The following NAPRT variants were observed in gnomAD, a reference collection of about 807,000 sequenced individuals.
NAPRT encodes the protein FHA-HIT-interacting protein.
Under a neutral mutation model 60.7 loss-of-function variants are expected in NAPRT, and 66 were observed. The observed-to-expected ratio is 1.09, with a 90% confidence interval of 0.89 to 1.33. The LOEUF is 1.33. Among genes scored for constraint, NAPRT ranks in the 40% most tolerant of loss-of-function variants. The pLI is 0.00. For missense variants in NAPRT, 818 were observed against 731.5 expected, an observed-to-expected ratio of 1.12 and a Z score of -1.36; for synonymous variants, 405 against 335.7, an observed-to-expected ratio of 1.21 and a Z score of -2.26.
rs371481966 is a variant in NAPRT at position 143,575,424 on chromosome 8, G to C, written c.1290C>G (p.Asp430Glu). The C allele has an allele frequency of 6.3e-7, 1 of 1,592,014 alleles. No homozygotes were observed. Among genetic ancestry groups the C allele is most frequent in the Admixed American group, 1.7e-5 (1 of 59,598 alleles). ...SKAAFRLLGS[D>E]GSPLMDMLQL... is the part of the protein sequence containing the mutation. ...GCAGGGGGGATGGGAGGGCCTCACC[G>C]TCAGAGCCCAGGAGCCGGAAAGCAG... The change falls in exon 10 of 13, where the codon GAC becomes GAG. Residue 430 changes from aspartate to glutamate, a missense_variant and splice_region_variant. Coordinates refer to ENST00000449291, the MANE Select transcript of NAPRT (RefSeq NM_145201.6).
chr8:143,574,271 T>TGACGCCA (rs1285685499), downstream of NAPRT, among the ~76,000 whole-genome samples: 3 of 152,332 alleles, frequency 2.0e-5, no homozygotes, highest in Non-Finnish European at 4.4e-5. Context: ...GCTGTGTCCC[T>TGACGCCA]GACGCCAGAT....
chr8:143,574,706 C>A, downstream of NAPRT: 1 of 1,098,982 alleles, frequency 9.1e-7, no homozygotes, highest in South Asian at 1.4e-5. Context: ...CTCAGATTCC[C>A]GACTCCAGCC....
chr8:143,573,227 CT>C (rs762468980), downstream of NAPRT, among the ~76,000 whole-genome samples: 14 of 152,204 alleles, frequency 9.2e-5, no homozygotes, highest in Admixed American at 2.0e-4. Context: ...TGCACGCTGG[CT>C]CTGTCAGACA....
chr8:143,577,447 C>A (rs368381577), intron 3 of NAPRT, 48 bp from the exon 4 acceptor site: 238 of 1,564,944 alleles, frequency 1.5e-4, no homozygotes, highest in Non-Finnish European at 1.0e-4. Context: ...GATCACTAGG[C>A]CACCCAAGAC....
chr8:143,578,268 GAGCAGCGGCCGCGCCGC>G lies in NAPRT; in HGVS notation c.34_50del (p.Ala12HisfsTer2). The G allele has an allele frequency of 7.0e-7, 1 of 1,428,386 alleles. No individual in the cohort carries two copies. Among genetic ancestry groups the G allele is most frequent in the African/African-American group, 1.5e-5 (1 of 66,108 alleles). 88.5% of individuals were successfully genotyped at this position (1,428,386 alleles called of 1,614,324 possible). A position where few individuals can be genotyped will look rare whatever the true frequency, so the allele number is the denominator to read the frequency against. ...CCATGGTGGCCTGGTAGAGGTCAGT[GAGCAGCGGCCGCGCCGC>G]CGCGCGCGCCTCGGGGTCCTGCTCC... On this transcript the variant is annotated frameshift_variant, in exon 1 of 13. Transcript: ENST00000449291. LOFTEE classifies it high-confidence loss of function.
At chr8:143,577,027 G>A (rs376607994) in intron 5 of NAPRT, 35 bp downstream of exon 5, 22 of 1,595,818 alleles carry the variant, frequency 1.4e-5, no homozygotes, top group East Asian at 2.2e-5. Flanking sequence ...GGGGCCTGTC[G>A]CCTGGAGACA....
chr8:143,575,816 G>GTGCCCTAGGTGGGGAAGGAGGTGGCAC, intron 8 of NAPRT, 114 bp from the exon 9 acceptor site: 2 of 470,326 alleles, frequency 4.3e-6, no homozygotes, highest in Non-Finnish European at 6.5e-6. Flanking sequence ...GGGGGTGGCA[G>GTGCCCTAGGTGGGGAAGGAGGTGGCAC]TGCCCTGGGT....
In NAPRT at chr8:143,575,478, G is replaced by C. The variant is rs768904692; in HGVS notation, c.1236C>G (p.Pro412=). 5.6e-6 allele frequency: 9 copies of C among 1,599,234 alleles called. No individual in the cohort carries two copies. Among genetic ancestry groups the C allele is most frequent in the Non-Finnish European group, 7.7e-6 (9 of 1,168,568 alleles). The part of the protein sequence containing the change: ...GQPRMKLTED[P]EKQTLPGSKA... ...TGCTCCCAGGCAACGTCTGCTTCTC[G>C]GGGTCCTCGGTCAGCTTCATTCGTG... Residue 412 remains proline (P), a synonymous_variant, in exon 10 of 13, where the codon CCC becomes CCG. Coordinates refer to ENST00000449291, the MANE Select transcript of NAPRT (RefSeq NM_145201.6).
chr8:143,574,851 C>T lies in NAPRT; in HGVS notation c.1604G>A (p.Gly535Glu). Residue 535 changes from glycine to glutamate, a missense_variant, in exon 13 of 13, where the codon GGG becomes GAG. Coordinates refer to ENST00000449291, the MANE Select transcript of NAPRT (RefSeq NM_145201.6). ...CCGCTCCGAGTCTCAGGGGGACTGC[C>T]CCGCACACAGACTGTTCACCAGGGC... ...LQALVNSLCA[G>E]QSP 6.4e-7 allele frequency: 1 copy of T among 1,550,646 alleles called. No homozygotes were observed. Among genetic ancestry groups the T allele is most frequent in the Non-Finnish European group, 8.7e-7 (1 of 1,147,000 alleles).
chr8:143,573,619 G>A (rs1469823143), downstream of NAPRT: 1 of 152,210 alleles, frequency 6.6e-6, no homozygotes, highest in Non-Finnish European at 1.5e-5. Context: ...CAGAACCACA[G>A]GCCAATTAAA....
chr8:143,576,218 C>G, intron 7 of NAPRT, 56 bp from the exon 8 acceptor site: 1 of 1,492,280 alleles, frequency 6.7e-7, no homozygotes, highest in Non-Finnish European at 9.0e-7. Flanking sequence ...CCTGATTCAC[C>G]CTGGTGTCCC....
At chr8:143,577,497 C>T in intron 3 of NAPRT, 98 bp from the exon 4 acceptor site, 1 of 1,465,968 alleles carries the variant, frequency 6.8e-7, no homozygotes, top group Non-Finnish European at 9.2e-7. Flanking sequence ...CCTGGGAGCT[C>T]CACCCTCACC....
chr8:143,574,976 TC>T lies in NAPRT; in HGVS notation c.1554+9del. 5.8e-6 allele frequency: 9 copies of T among 1,543,756 alleles called. No individual in the cohort carries two copies. The highest frequency in any genetic ancestry group is 7.9e-6 in the Non-Finnish European group (9 of 1,143,144). ...ACAGGGCAGAATGACAGGGTGGGCCTCCCCCCAACCTGGTACTGTGCAGGGC... is the reference window on the plus strand; with the variant it reads ...ACAGGGCAGAATGACAGGGTGGGCCTCCCCCAACCTGGTACTGTGCAGGGC... On this transcript the variant is annotated intron_variant, in intron 12 of 12. Coordinates refer to ENST00000449291, the MANE Select transcript of NAPRT (RefSeq NM_145201.6).
rs1343189789 is a variant in NAPRT at position 143,574,882 on chromosome 8, G to A, written c.1573C>T (p.Leu525=). ...CACAGACTGTTCACCAGGGCCTGCA[G>A]CCTCTCGGACAGCACCACCTGCAGG... ...AQYQVVLSER[L]QALVNSLCAG... is the part of the protein sequence containing the mutation. Residue 525 remains leucine, a synonymous_variant, in exon 13 of 13, where the codon CTG becomes TTG. Coordinates refer to ENST00000449291, the MANE Select transcript of NAPRT (RefSeq NM_145201.6). The A allele has an allele frequency of 6.4e-7, 1 of 1,550,666 alleles. No homozygotes were observed. The highest frequency in any genetic ancestry group is 2.0e-5 in the Admixed American group (1 of 51,006).
At position 143,578,308 on chromosome 8, in the gene NAPRT, T is replaced by G. The variant is rs971280620; in HGVS notation, c.11A>C (p.Glu4Ala). MAA[E>A]QDPEARAAAR... Reference sequence around the variant, plus strand: ...CGCCGCGCGCGCCTCGGGGTCCTGCTCCGCCGCCATCCTGCTCCCGACGTC... The same window carrying G: ...CGCCGCGCGCGCCTCGGGGTCCTGCGCCGCCGCCATCCTGCTCCCGACGTC... Residue 4 changes from glutamate (E) to alanine (A), a missense_variant, in exon 1 of 13, where the codon GAG becomes GCG. Physicochemically the swap from Glu to Ala is moderately radical, Grantham distance 107. Transcript: ENST00000449291. The G allele has an allele frequency of 6.6e-6, 9 of 1,371,562 alleles. No individual in the cohort carries two copies. The highest frequency in any genetic ancestry group is 3.9e-5 in the Admixed American group (1 of 25,428). 85.0% of individuals were successfully genotyped at this position (1,371,562 alleles called of 1,614,324 possible).
intron 7 of NAPRT, 86 bp from the exon 8 acceptor site, chr8:143,576,248 C>T (rs1238036076): frequency 7.8e-6 from 11 of 1,409,006 alleles, no homozygotes; most frequent in African/African-American, 1.4e-5. Flanking sequence ...CGCCCCGCCT[C>T]AGTCAAGGAC....
intron 8 of NAPRT, 49 bp from the exon 9 acceptor site, chr8:143,575,751 A>AG (rs1270347913): frequency 1.0e-6 from 1 of 995,876 alleles, no homozygotes; most frequent in Non-Finnish European, 1.4e-6. Context: ...TGGGTGGGGA[A>AG]GGGGGTGGCA....
At position 143,578,201 on chromosome 8, in the gene NAPRT, C is replaced by T. The variant is rs771334846; in HGVS notation, c.118G>A (p.Glu40Lys). 6.6e-7 allele frequency: 1 copy of T among 1,506,858 alleles called. No individual in the cohort carries two copies. The highest frequency in any genetic ancestry group is 8.8e-7 in the Non-Finnish European group (1 of 1,132,684). 93.3% of individuals were successfully genotyped at this position (1,506,858 alleles called of 1,614,324 possible). A position where few individuals can be genotyped will look rare whatever the true frequency, so the allele number is the denominator to read the frequency against. Residue 40 changes from glutamate (E) to lysine (K), a missense_variant, in exon 1 of 13, where the codon GAG becomes AAG. Coordinates refer to ENST00000449291, the MANE Select transcript of NAPRT (RefSeq NM_145201.6). ...WRAGRARDAA[E>K]FELFFRRCPF... ...CAGCGGCGGAAGAAGAGCTCGAACTCGGCGGCGTCCCGCGCCCGGCCCGCG... is the reference window on the plus strand; with the variant it reads ...CAGCGGCGGAAGAAGAGCTCGAACTTGGCGGCGTCCCGCGCCCGGCCCGCG...
downstream of NAPRT, chr8:143,573,836 C>G (rs1206172979): frequency 6.6e-6 from 1 of 152,434 alleles, no homozygotes; most frequent in Admixed American, 6.5e-5. Flanking sequence ...GGCCTCTGCT[C>G]CAAGTCCCCA....
Sources: gnomAD v4.1 joint callset for allele counts (sites outside exome capture counted in the v4.1 genomes callset) on GRCh38, gnomAD v4.1.1 for gene constraint, MANE v1.5 for transcripts, NCBI Gene and HGNC (gene_info 2026-07-23, HGNC 2026-07-21) for gene names.